IL16: variants seen among roughly 807,000 people sequenced by gnomAD.
IL16 encodes pro-interleukin-16.
A neutral mutation model predicts 110.1 loss-of-function variants in IL16; 67 were observed. The observed-to-expected ratio is 0.61, with a 90% CI of 0.50 to 0.75. The LOEUF (loss-of-function observed/expected upper bound fraction) is 0.75. Ranked by LOEUF, IL16 falls within the 30% of genes least tolerant of loss-of-function variation. The pLI, the probability that IL16 is intolerant of heterozygous loss-of-function variation, is 0.00. For missense variants in IL16, 1,545 were observed against 1,655.0 expected (o/e 0.93, Z 1.15); for synonymous variants, 689 against 662.9 (o/e 1.04, Z -0.61).
intron 1 of IL16, among the ~76,000 whole-genome samples, chr15:81,206,698 T>A (rs1408119672): frequency 2.0e-5 from 3 of 152,176 alleles, no homozygotes. Context: ...GAAATTTAAC[T>A]ACATGAAATT....
chr15:81,195,991 G>C (rs1194862273), upstream of IL16, among the ~76,000 whole-genome samples: 1 of 152,064 alleles, frequency 6.6e-6, no homozygotes, highest in African/African-American at 2.4e-5. Flanking sequence ...TTAGGTCATG[G>C]GCTCTCGCAC....
chr15:81,305,955 T>C lies in IL16; in HGVS notation c.3468T>C (p.Ile1156=). The C allele has an allele frequency of 6.2e-7, 1 of 1,614,218 alleles. No individual in the cohort carries two copies. The highest frequency in any genetic ancestry group is 1.6e-4 in the Middle Eastern group (1 of 6,062). Residue 1156 remains isoleucine, a synonymous_variant, in exon 17 of 19, where the codon ATT becomes ATC. Transcript: ENST00000683961. ...GGCTGGCCTCCCAGGAAGGGACTATTCAGAAGGGCAATGAGGTTCTTTCCA... is the reference window on the plus strand; with the variant it reads ...GGCTGGCCTCCCAGGAAGGGACTATCCAGAAGGGCAATGAGGTTCTTTCCA... ...PNGLASQEGT[I]QKGNEVLSIN...
In IL16 at chr15:81,257,443, G is replaced by T. The variant is rs78281898; in HGVS notation, c.313-2329G>T. ...ATGCATGTCAGAAACAGGAAACCAT[G>T]GAAAGGGGCCAACACATTCTGGAAC... On this transcript the variant is annotated intron_variant, in intron 2 of 18. Transcript: ENST00000683961. Among the ~76,000 whole-genome samples the T allele has an allele frequency of 7.8e-3, 1,192 of 152,288 alleles. 16 individuals are homozygous for T. The highest frequency in any genetic ancestry group is 0.027 in the African/African-American group (1,121 of 41,546).
rs375892392 is a variant in IL16, at chr15:81,279,640, C to T, written c.947C>T (p.Pro316Leu). 71 of 1,614,146 alleles carry T rather than the reference C, an allele frequency of 4.4e-5. No individual in the cohort carries two copies. The highest frequency in any genetic ancestry group is 5.8e-5 in the Non-Finnish European group (69 of 1,180,056). Reference sequence around the variant, plus strand: ...TCCCTGTGCAGCCACCTGTCTCCCCCACTGTGCCGCTCCCTGAGCTCCAGC... The same window carrying T: ...TCCCTGTGCAGCCACCTGTCTCCCCTACTGTGCCGCTCCCTGAGCTCCAGC... ...PPSLCSHLSP[P>L]LCRSLSSSTC... is the part of the protein sequence containing the mutation. Residue 316 changes from proline to leucine, a missense_variant, in exon 8 of 19, where the codon CCA (proline) becomes CTA (leucine). Physicochemically the swap from Pro to Leu is moderately conservative, Grantham distance 98 (BLOSUM62 -3). This residue lies in a region of IL16 where 1,185 missense variants were observed against 1,238.8 expected (regional missense o/e 0.96). Transcript: ENST00000683961.
chr15:81,213,597 A>G (rs1051738643), intron 1 of IL16, among the ~76,000 whole-genome samples: 33 of 152,240 alleles, frequency 2.2e-4, no homozygotes, highest in African/African-American at 7.0e-4. Flanking sequence ...TATATTTAGG[A>G]TAGTTAAATT....
chr15:81,217,736 G>A (rs960940499), intron 1 of IL16, among the ~76,000 whole-genome samples: 7 of 152,132 alleles, frequency 4.6e-5, no homozygotes, highest in Non-Finnish European at 8.8e-5. Flanking sequence ...TGTAAGAAAG[G>A]CATTAGTTTA....
Position 81,307,074 on chromosome 15 carries a change from C to G in IL16, c.3805+529C>G, listed in dbSNP as rs370612314. On this transcript the variant is annotated intron_variant, in intron 18 of 18. Coordinates refer to ENST00000683961, the MANE Select transcript of IL16 (RefSeq NM_172217.5). Reference sequence around the variant, plus strand: ...AAATGTTGATAGATATTTTGTTCATCAGGGATTGGAGTACAAACCAGTCTG... The same window carrying G: ...AAATGTTGATAGATATTTTGTTCATGAGGGATTGGAGTACAAACCAGTCTG... 7.9e-5 allele frequency among the ~76,000 whole-genome samples: 12 copies of G among 152,158 alleles called. No individual in the cohort carries two copies. The East Asian group carries it at 2.1e-3, about 27-fold the overall frequency.
intron 3 of IL16, among the ~76,000 whole-genome samples, chr15:81,261,198 T>G (rs1165428207): frequency 6.6e-6 from 1 of 152,250 alleles, no homozygotes; most frequent in African/African-American, 2.4e-5. Flanking sequence ...GCACGATTGC[T>G]GTTCAAAAAA....
At chr15:81,209,193 A>G (rs933747954) in intron 1 of IL16, among the ~76,000 whole-genome samples, 5 of 152,152 alleles carry the variant, frequency 3.3e-5, no homozygotes, top group African/African-American at 4.8e-5. Flanking sequence ...GGGACAAACC[A>G]GATCATTCTT....
intron 2 of IL16, among the ~76,000 whole-genome samples, chr15:81,234,309 A>G (rs1401022890): frequency 6.6e-6 from 1 of 151,960 alleles, no homozygotes; most frequent in African/African-American, 2.4e-5. Context: ...TTAGTGTCTA[A>G]TTGTCTCAAG....
chr15:81,207,129 TG>T (rs1384961807), intron 1 of IL16, among the ~76,000 whole-genome samples: 1 of 150,012 alleles, frequency 6.7e-6, no homozygotes, highest in Non-Finnish European at 1.5e-5. Flanking sequence ...CCAGCTCCCC[TG>T]GGGAGGCTGA....
intron 14 of IL16, 21 bp downstream of exon 14, chr15:81,300,496 T>C: frequency 6.6e-7 from 1 of 1,515,762 alleles, no homozygotes; most frequent in Non-Finnish European, 9.1e-7. Flanking sequence ...ACACCCGGTG[T>C]TTCTCTTTAC....
At position 81,273,091 on chromosome 15, in the gene IL16, G is replaced by A. The variant is rs200176084; in HGVS notation, c.677G>A (p.Gly226Asp). The A allele has an allele frequency of 3.1e-6, 5 of 1,611,890 alleles. No homozygotes were observed. In the South Asian group the frequency reaches 4.4e-5, roughly 14 times the overall value. Residue 226 changes from glycine (G) to aspartate (D), a missense_variant and splice_region_variant, in exon 6 of 19, where the codon GGT becomes GAT. Gly to Asp is a moderately conservative substitution (Grantham distance 94, BLOSUM62 -1). This residue lies in a region of IL16 where 1,185 missense variants were observed against 1,238.8 expected (regional missense o/e 0.96). Coordinates refer to ENST00000683961, the MANE Select transcript of IL16 (RefSeq NM_172217.5). Reference protein sequence around the residue: ...NIVLMKGQAKGLGFSIVGGKD... With the variant: ...NIVLMKGQAKDLGFSIVGGKD... ...CAGACCTTCTCTTTTTTTCCCCAGGGTCTGGGCTTCAGCATCGTTGGGGGA... is the reference window on the plus strand; with the variant it reads ...CAGACCTTCTCTTTTTTTCCCCAGGATCTGGGCTTCAGCATCGTTGGGGGA...
chr15:81,205,305 C>CAA (rs57956143), intron 1 of IL16, among the ~76,000 whole-genome samples: 2 of 132,484 alleles, frequency 1.5e-5, no homozygotes, highest in Admixed American at 7.6e-5. Context: ...GACTCCATCT[C>CAA]AAAAAAAAAA....
chr15:81,279,646 G>A lies in IL16; in HGVS notation c.953G>A (p.Cys318Tyr), dbSNP rs1899079748. ...TGCAGCCACCTGTCTCCCCCACTGT[G>A]CCGCTCCCTGAGCTCCAGCACTTGT... is the stretch of plus-strand genomic sequence containing the variant. The part of the protein sequence containing the change: ...SLCSHLSPPL[C>Y]RSLSSSTCIT... Residue 318 changes from cysteine to tyrosine, a missense_variant, in exon 8 of 19, where the codon TGC becomes TAC. Cys to Tyr is a radical substitution (Grantham distance 194, BLOSUM62 -2). This residue lies in a region of IL16 where 1,185 missense variants were observed against 1,238.8 expected (regional missense o/e 0.96). Transcript: ENST00000683961. 1.9e-6 allele frequency: 3 copies of A among 1,614,236 alleles called. No homozygotes were observed. Among genetic ancestry groups the A allele is most frequent in the Non-Finnish European group, 2.5e-6 (3 of 1,180,044 alleles).
chr15:81,219,802 C>T (rs1264603110), intron 1 of IL16, among the ~76,000 whole-genome samples: 2 of 152,150 alleles, frequency 1.3e-5, no homozygotes, highest in African/African-American at 4.8e-5. Context: ...GAACACTTCA[C>T]ATGATGTTGG....
upstream of IL16, among the ~76,000 whole-genome samples, chr15:81,195,368 G>A (rs756895038): frequency 6.6e-6 from 1 of 152,118 alleles, no homozygotes. Context: ...GCCTGAGTCT[G>A]TCCTGGCCCC....
chr15:81,313,315 G>A lies in IL16; in HGVS notation c.*4517G>A, dbSNP rs138188091. 2,342 of 1,578,376 alleles carry A rather than the reference G, an allele frequency of 1.5e-3. 59 individuals carry two copies. The Admixed American group carries it at 0.038, about 25-fold the overall frequency. On this transcript the variant is annotated 3_prime_UTR_variant, in exon 19 of 19. Coordinates refer to ENST00000683961, the MANE Select transcript of IL16 (RefSeq NM_172217.5). ...TTGGCATAAAACCGGGTCATGCTGC[G>A]GGGGAAGAAGGAGTCCACCACGTTC...
rs776826431 is a variant in IL16 at position 81,273,108 on chromosome 15, G to A, written c.694G>A (p.Val232Ile). ...TCCCCAGGGTCTGGGCTTCAGCATCGTTGGGGGAAAAGACAGCATTTATGG... is the reference window on the plus strand; with the variant it reads ...TCCCCAGGGTCTGGGCTTCAGCATCATTGGGGGAAAAGACAGCATTTATGG... ...GQAKGLGFSI[V>I]GGKDSIYGPI... The change falls in exon 6 of 19, where the codon GTT becomes ATT. Residue 232 changes from valine (V) to isoleucine (I), a missense_variant. Val to Ile is a conservative substitution (Grantham distance 29). Coordinates refer to ENST00000683961, the MANE Select transcript of IL16 (RefSeq NM_172217.5). 2.5e-5 allele frequency: 40 copies of A among 1,613,130 alleles called. No individual in the cohort carries two copies. In the South Asian group the frequency reaches 3.1e-4, roughly 12 times the overall value.
Sources: gnomAD v4.1 joint callset for allele counts (sites outside exome capture counted in the v4.1 genomes callset) on GRCh38, gnomAD v4.1.1 for gene constraint, gnomAD v4.1.1 regional missense constraint, MANE v1.5 for transcripts, NCBI Gene and HGNC (gene_info 2026-07-23, HGNC 2026-07-21) for gene names.